Variants in AKAP9 observed in about 807,000 individuals in gnomAD.
AKAP9 encodes the protein A-kinase anchor protein 9.
A neutral mutation model predicts 488.5 loss-of-function variants in AKAP9; 311 were observed. The observed-to-expected ratio is 0.64, with a 90% CI of 0.58 to 0.70. The LOEUF (loss-of-function observed/expected upper bound fraction) is 0.70. Ranked by LOEUF, AKAP9 falls within the 30% of genes least tolerant of loss-of-function variation. AKAP9 has a pLI of 0.00. For missense variants in AKAP9, 4,215 were observed against 4,374.5 expected, an observed-to-expected ratio of 0.96 and a Z score of 1.03; for synonymous variants, 1,462 against 1,483.5, an observed-to-expected ratio of 0.99 and a Z score of 0.33.
At position 92,042,737 on chromosome 7, in the gene AKAP9, G is replaced by C; in HGVS notation, c.5128G>C (p.Glu1710Gln). Reference protein sequence around the residue: ...FKEKELDRKPEDVPPEILSNE... With the variant: ...FKEKELDRKPQDVPPEILSNE... ...AGAAAAGGAATTAGACAGAAAACCT[G>C]AAGATGTGCCTCCTGAGATTTTGTC... is the stretch of plus-strand genomic sequence containing the variant. The change falls in exon 20 of 50, where the codon GAA (glutamate) becomes CAA (glutamine). Residue 1710 changes from glutamate (E) to glutamine (Q), a missense_variant. Physicochemically the swap from Glu to Gln is conservative, Grantham distance 29 (BLOSUM62 2). Around this residue, in one of 5 missense-constraint regions of AKAP9, gnomAD observed 2,361 missense variants for 2,430.0 expected, o/e 0.97. Transcript: ENST00000356239. The C allele has an allele frequency of 1.2e-6, 2 of 1,611,822 alleles. No homozygotes were observed. The highest frequency in any genetic ancestry group is 1.7e-6 in the Non-Finnish European group (2 of 1,178,484).
At chr7:92,042,265 G>A (rs1037507172) in intron 19 of AKAP9, 79 bp downstream of exon 19, 1 of 1,584,066 alleles carries the variant, frequency 6.3e-7, no homozygotes, top group Non-Finnish European at 8.6e-7. Flanking sequence ...GTTGGTATGA[G>A]ATGTATTCTT....
chr7:91,951,135 T>A (rs527899959), intron 1 of AKAP9, among the ~76,000 whole-genome samples: 2 of 152,110 alleles, frequency 1.3e-5, no homozygotes, highest in East Asian at 1.9e-4. Flanking sequence ...CGTAATTTTT[T>A]AATAAATTCA....
At chr7:91,993,782 G>A (rs376644686) in intron 5 of AKAP9, among the ~76,000 whole-genome samples, 53 of 152,298 alleles carry the variant, frequency 3.5e-4, no homozygotes, top group African/African-American at 1.2e-3. Context: ...TAATCAGCCT[G>A]AGAGAAAATT....
At position 92,083,229 on chromosome 7, in the gene AKAP9, C is replaced by T. The variant is rs375382821; in HGVS notation, c.8220C>T (p.Leu2740=). 30 of 1,613,888 alleles carry T rather than the reference C, an allele frequency of 1.9e-5. No homozygotes were observed. Among genetic ancestry groups the T allele is most frequent in the Non-Finnish European group, 2.3e-5 (27 of 1,180,002 alleles). Reference sequence around the variant, plus strand: ...ACTTAAGCCAAGTTAGGGATCACCTCGCAGAGGCAAAAGAGAAATTGTCCA... The same window carrying T: ...ACTTAAGCCAAGTTAGGGATCACCTTGCAGAGGCAAAAGAGAAATTGTCCA... ...QKDLSQVRDH[L]AEAKEKLSIL... is the part of the protein sequence containing the mutation. Residue 2740 remains leucine (L), a synonymous_variant, in exon 33 of 50, where the codon CTC becomes CTT. Transcript: ENST00000356239.
chr7:92,083,195 T>C lies in AKAP9; in HGVS notation c.8186T>C (p.Leu2729Pro). Reference protein sequence around the residue: ...LLVKETNMTSLQKDLSQVRDH... With the variant: ...LLVKETNMTSPQKDLSQVRDH... ...GTAAAAGAAACAAATATGACATCTC[T>C]TCAGAAAGACTTAAGCCAAGTTAGG... Residue 2729 changes from leucine to proline, a missense_variant, in exon 33 of 50, where the codon CTT becomes CCT. Leu to Pro is a moderately conservative substitution (Grantham distance 98). Transcript: ENST00000356239. 6.2e-7 allele frequency: 1 copy of C among 1,613,904 alleles called. No homozygotes were observed. The highest frequency in any genetic ancestry group is 8.5e-7 in the Non-Finnish European group (1 of 1,179,874).
intron 18 of AKAP9, chr7:92,041,234 T>C: frequency 4.1e-6 from 1 of 242,174 alleles, no homozygotes; most frequent in Middle Eastern, 1.5e-3. Context: ...TATAGCAAAC[T>C]CACTTTGACA....
chr7:92,028,589 G>A (rs1015287212), intron 14 of AKAP9, among the ~76,000 whole-genome samples: 4 of 152,044 alleles, frequency 2.6e-5, no homozygotes, highest in Admixed American at 6.6e-5. Flanking sequence ...GTTCACAGCA[G>A]GAAAAACCTA....
At position 92,001,075 on chromosome 7, in the gene AKAP9, A is replaced by T. The variant is rs142673316; in HGVS notation, c.1158A>T (p.Lys386Asn). Residue 386 changes from lysine (K) to asparagine (N), a missense_variant, in exon 8 of 50, where the codon AAA (lysine) becomes AAT (asparagine). By Grantham distance (94) the Lys-to-Asn change is moderately conservative. Transcript: ENST00000356239. ...TAGAGCTGACTAATTCTAAGCAAAA[A>T]GAAAGACAGTCTTCTGAAGAAATAA... ...MKLELTNSKQ[K>N]ERQSSEEIKQ... is the part of the protein sequence containing the mutation. 147 of 1,613,340 alleles carry T rather than the reference A, an allele frequency of 9.1e-5. No individual in the cohort carries two copies. Among genetic ancestry groups the T allele is most frequent in the Admixed American group, 3.8e-4 (23 of 59,886 alleles).
intron 1 of AKAP9, among the ~76,000 whole-genome samples, chr7:91,960,440 ATTG>A (rs1195051756): frequency 6.6e-6 from 1 of 152,168 alleles, no homozygotes; most frequent in Non-Finnish European, 1.5e-5. Flanking sequence ...TGAGTCAGAT[ATTG>A]TTGTTCCATT....
chr7:92,022,429 T>C, intron 13 of AKAP9, 77 bp downstream of exon 13: 1 of 999,902 alleles, frequency 1.0e-6, no homozygotes, highest in Non-Finnish European at 1.6e-6. Flanking sequence ...CTTTAAAATG[T>C]GAGCTAACGT....
Position 92,083,485 on chromosome 7 carries a change from G to GA in AKAP9, c.8482dup (p.Ile2828AsnfsTer2). ...TACTGAAATAATCAGTCAGTTTACT[G>GA]AAAAAATTGAGAAGATGCAAGAACT... On this transcript the variant is annotated frameshift_variant, in exon 33 of 50. Coordinates refer to ENST00000356239, the MANE Select transcript of AKAP9 (RefSeq NM_005751.5). LOFTEE classifies it high-confidence loss of function. The GA allele has an allele frequency of 6.2e-7, 1 of 1,611,610 alleles. No individual in the cohort carries two copies. The highest frequency in any genetic ancestry group is 8.5e-7 in the Non-Finnish European group (1 of 1,179,044).
intron 21 of AKAP9, among the ~76,000 whole-genome samples, chr7:92,047,898 A>G: frequency 6.6e-6 from 1 of 152,178 alleles, no homozygotes; most frequent in Non-Finnish European, 1.5e-5. Context: ...TACTGTTTTT[A>G]TGTTTAGCAG....
At chr7:91,964,102 A>T (rs1794118200) in intron 1 of AKAP9, among the ~76,000 whole-genome samples, 1 of 152,202 alleles carries the variant, frequency 6.6e-6, no homozygotes, top group African/African-American at 2.4e-5. Flanking sequence ...GAAATTTCAC[A>T]TTAGCAAAAG....
chr7:92,087,895 A>G (rs971191963), intron 37 of AKAP9, among the ~76,000 whole-genome samples: 2 of 150,876 alleles, frequency 1.3e-5, no homozygotes, highest in Non-Finnish European at 3.0e-5. Context: ...AAATATATAT[A>G]TAAATAAATA....
At chr7:91,958,822 T>C (rs1311038498) in intron 1 of AKAP9, among the ~76,000 whole-genome samples, 1 of 151,940 alleles carries the variant, frequency 6.6e-6, no homozygotes, top group African/African-American at 2.4e-5. Context: ...TTCTTTTTTA[T>C]CCAAGTTTAT....
intron 7 of AKAP9, 174 bp downstream of exon 7, chr7:91,995,974 A>G (rs1331861247): frequency 8.0e-6 from 5 of 623,068 alleles, no homozygotes; most frequent in Admixed American, 2.9e-5. Context: ...TTTTAAGATA[A>G]TAGTCATTAC....
At position 92,079,810 on chromosome 7, in the gene AKAP9, C is replaced by A. The variant is rs1309012145; in HGVS notation, c.7677C>A (p.Ile2559=). 2 of 1,613,914 alleles carry A rather than the reference C, an allele frequency of 1.2e-6. No individual in the cohort carries two copies. The highest frequency in any genetic ancestry group is 2.7e-5 in the African/African-American group (2 of 74,920). The change falls in exon 31 of 50, where the codon ATC becomes ATA. Residue 2559 remains isoleucine, a synonymous_variant. Transcript: ENST00000356239. ...EKVAAALVSQ[I]QLEAVQEYAK... ...TGGCTGCTGCTCTTGTCAGTCAAAT[C>A]CAACTTGAGGCAGTTCAGGAATATG...
intron 28 of AKAP9, among the ~76,000 whole-genome samples, chr7:92,075,091 A>T (rs79050804): frequency 5.3e-5 from 2 of 37,894 alleles, no homozygotes; most frequent in African/African-American, 9.9e-5. Context: ...GTCAAAAATT[A>T]AAAAAAAAAT....
In AKAP9 at chr7:92,019,293, C is replaced by T. The variant is rs187246494; in HGVS notation, c.3837+2191C>T. On this transcript the variant is annotated intron_variant, in intron 12 of 49. Coordinates refer to ENST00000356239, the MANE Select transcript of AKAP9 (RefSeq NM_005751.5). ...AGTAGCTGGGATTACAGGCACACTCCACCACACCCGGCTAATTTTTGTATT... is the reference window on the plus strand; with the variant it reads ...AGTAGCTGGGATTACAGGCACACTCTACCACACCCGGCTAATTTTTGTATT... Among the ~76,000 whole-genome samples the T allele has an allele frequency of 7.8e-3, 1,184 of 152,046 alleles. 21 individuals carry two copies. Among genetic ancestry groups the T allele is most frequent in the Middle Eastern group, 0.041 (12 of 294 alleles).
Sources: gnomAD v4.1 joint callset for allele counts (sites outside exome capture counted in the v4.1 genomes callset) on GRCh38, gnomAD v4.1.1 for gene constraint, gnomAD v4.1.1 regional missense constraint, MANE v1.5 for transcripts, NCBI Gene and HGNC (gene_info 2026-07-23, HGNC 2026-07-21) for gene names.